Variants in GRM8 observed in about 807,000 individuals in gnomAD.
GRM8 encodes glutamate metabotropic receptor 8.
Under a neutral mutation model 87.2 loss-of-function variants are expected in GRM8, and 47 were observed. The observed-to-expected ratio is 0.54, with a 90% CI of 0.43 to 0.69. The LOEUF (loss-of-function observed/expected upper bound fraction) is 0.69. Among genes scored for constraint, GRM8 ranks in the 30% least tolerant of loss-of-function variants. The pLI is 0.00. For synonymous variants in GRM8, 396 were observed against 404.5 expected (o/e 0.98, Z 0.25); for missense variants, 1,019 against 1,139.2 (o/e 0.89, Z 1.52).
chr7:126,664,752 T>G (rs1805580019), intron 7 of GRM8, among the ~76,000 whole-genome samples: 1 of 151,922 alleles, frequency 6.6e-6, no homozygotes, highest in Non-Finnish European at 1.5e-5. Context: ...GCAACTGCAA[T>G]AAAAATAACA....
intron 1 of GRM8, among the ~76,000 whole-genome samples, chr7:127,245,165 T>C (rs17866910): frequency 0.017 from 2,559 of 152,298 alleles, 51 homozygotes; most frequent in African/African-American, 0.048. Flanking sequence ...ATTTAAGTGA[T>C]AGGCCATAAA....
chr7:126,726,938 A>G (rs1053050506), intron 7 of GRM8, among the ~76,000 whole-genome samples: 1 of 152,104 alleles, frequency 6.6e-6, no homozygotes, highest in East Asian at 1.9e-4. Flanking sequence ...AGCACTTAAT[A>G]TAAATTTACA....
chr7:126,684,996 G>A (rs1474086831), intron 7 of GRM8, among the ~76,000 whole-genome samples: 1 of 152,190 alleles, frequency 6.6e-6, no homozygotes, highest in African/African-American at 2.4e-5. Context: ...GGCACAAGTG[G>A]TAGCAGCAGG....
At chr7:126,828,223 T>C (rs556072342) in intron 6 of GRM8, among the ~76,000 whole-genome samples, 1,696 of 152,324 alleles carry the variant, frequency 0.011, 30 homozygotes, top group African/African-American at 0.039. Context: ...GATGCTGGCC[T>C]CATAAAATGA....
At chr7:127,139,383 G>C (rs998284998) in intron 2 of GRM8, among the ~76,000 whole-genome samples, 1 of 152,068 alleles carries the variant, frequency 6.6e-6, no homozygotes, top group African/African-American at 2.4e-5. Context: ...GTACCTCATA[G>C]TAGTCACATT....
chr7:126,564,089 G>A (rs1041857391), intron 8 of GRM8, among the ~76,000 whole-genome samples: 4 of 152,220 alleles, frequency 2.6e-5, no homozygotes, highest in Non-Finnish European at 5.9e-5. Context: ...CAGTTTGGGT[G>A]GTCCCACCTC....
chr7:126,692,654 A>C (rs750551962), intron 7 of GRM8, among the ~76,000 whole-genome samples: 4 of 152,306 alleles, frequency 2.6e-5, no homozygotes, highest in Middle Eastern at 3.4e-3. Context: ...CAAAGACTAC[A>C]TCTAATATTG....
At chr7:126,497,674 C>A (rs1346074062) in intron 9 of GRM8, among the ~76,000 whole-genome samples, 1 of 151,946 alleles carries the variant, frequency 6.6e-6, no homozygotes, top group South Asian at 2.1e-4. Context: ...TTTTTATCCC[C>A]TATGAATACA....
At chr7:126,960,745 C>G (rs1025711758) in intron 3 of GRM8, among the ~76,000 whole-genome samples, 1 of 152,152 alleles carries the variant, frequency 6.6e-6, no homozygotes, top group African/African-American at 2.4e-5. Flanking sequence ...TGGTATTGGA[C>G]TATGTCATTT....
chr7:126,801,768 C>T (rs1401091218), intron 6 of GRM8, among the ~76,000 whole-genome samples: 1 of 151,998 alleles, frequency 6.6e-6, no homozygotes, highest in Admixed American at 6.6e-5. Flanking sequence ...AGAGAGGGCT[C>T]ACCCTTTCAG....
intron 6 of GRM8, among the ~76,000 whole-genome samples, chr7:126,799,021 T>C (rs976494966): frequency 4.6e-5 from 7 of 152,056 alleles, no homozygotes; most frequent in African/African-American, 1.7e-4. Flanking sequence ...TATAAGGAGC[T>C]TGGAGAAGTC....
chr7:127,009,845 T>C (rs942571735), intron 3 of GRM8, among the ~76,000 whole-genome samples: 5 of 151,038 alleles, frequency 3.3e-5, no homozygotes, highest in African/African-American at 9.9e-5. Flanking sequence ...TATCTATATG[T>C]CTTTTTTTTT....
chr7:126,489,515 C>G (rs1039207159), intron 9 of GRM8, among the ~76,000 whole-genome samples: 12 of 151,984 alleles, frequency 7.9e-5, no homozygotes, highest in African/African-American at 2.9e-4. Context: ...CGCCTTATTA[C>G]CCGGTATTAG....
intron 3 of GRM8, among the ~76,000 whole-genome samples, chr7:127,062,830 T>G (rs1338303698): frequency 1.3e-5 from 2 of 152,220 alleles, no homozygotes; most frequent in African/African-American, 4.8e-5. Context: ...TGATGGTTGC[T>G]TTTATATCTG....
intron 8 of GRM8, among the ~76,000 whole-genome samples, chr7:126,585,899 T>C (rs561320527): frequency 6.6e-6 from 1 of 152,328 alleles, no homozygotes; most frequent in African/African-American, 2.4e-5. Flanking sequence ...TTGTCCCTGT[T>C]TGTAGATGAC....
chr7:126,826,970 G>T (rs995846477), intron 6 of GRM8, among the ~76,000 whole-genome samples: 3 of 152,148 alleles, frequency 2.0e-5, no homozygotes, highest in African/African-American at 7.2e-5. Context: ...ATTAAATAGG[G>T]AATCCTTTCC....
intron 2 of GRM8, among the ~76,000 whole-genome samples, chr7:127,112,774 T>C (rs1211998106): frequency 2.6e-5 from 4 of 152,148 alleles, no homozygotes; most frequent in African/African-American, 9.7e-5. Flanking sequence ...TAGGGAAGCT[T>C]ACAACTGCCA....
chr7:127,033,407 GTAA>G (rs919017469), intron 3 of GRM8, among the ~76,000 whole-genome samples: 8 of 151,780 alleles, frequency 5.3e-5, no homozygotes, highest in African/African-American at 1.5e-4. Context: ...TATATCTCTA[GTAA>G]TAATATTAAT....
At chr7:126,450,444 G>A (rs1225756628) in intron 9 of GRM8, among the ~76,000 whole-genome samples, 1 of 151,838 alleles carries the variant, frequency 6.6e-6, no homozygotes, top group Non-Finnish European at 1.5e-5. Flanking sequence ...CTGTTTGGCT[G>A]CTTTGCATAC....
Sources: allele counts gnomAD v4.1 joint callset (sites outside exome capture counted in the v4.1 genomes callset), GRCh38; gene constraint gnomAD v4.1.1; transcripts MANE v1.5; gene names NCBI Gene and HGNC (gene_info 2026-07-23, HGNC 2026-07-21).